The following IQCJ variants were observed in gnomAD, a reference collection of about 807,000 sequenced individuals.
IQCJ encodes the protein IQ domain-containing protein J.
Under a neutral mutation model 11.0 loss-of-function variants are expected in IQCJ, and 9 were observed. That is an observed-to-expected ratio of 0.82 (90% CI 0.49 to 1.43). IQCJ has a LOEUF of 1.43. Among genes scored for constraint, IQCJ ranks in the 40% most tolerant of loss-of-function variants. The pLI, the probability that IQCJ is intolerant of heterozygous loss-of-function variation, is 0.00. For missense variants in IQCJ, 146 were observed against 133.2 expected (o/e 1.10, Z -0.47); for synonymous variants, 55 against 51.3 (o/e 1.07, Z -0.31).
At chr3:159,084,145 T>G (rs1286502253) in intron 1 of IQCJ, among the ~76,000 whole-genome samples, 28 of 152,128 alleles carry the variant, frequency 1.8e-4, no homozygotes, top group African/African-American at 6.5e-4. Context: ...TATATTTATG[T>G]AAGATGTCAT....
At chr3:159,203,490 C>T (rs1560024264) in intron 1 of IQCJ, among the ~76,000 whole-genome samples, 1 of 151,902 alleles carries the variant, frequency 6.6e-6, no homozygotes, top group Non-Finnish European at 1.5e-5. Flanking sequence ...CAGCCGTCTA[C>T]CCCATCACCA....
intron 1 of IQCJ, among the ~76,000 whole-genome samples, chr3:159,140,733 A>C (rs564299694): frequency 6.6e-6 from 1 of 152,136 alleles, no homozygotes; most frequent in African/African-American, 2.4e-5. Context: ...CTGTCCCTCC[A>C]TGTCTTCATC....
chr3:159,201,471 G>A (rs1302574862), intron 1 of IQCJ, among the ~76,000 whole-genome samples: 1 of 151,554 alleles, frequency 6.6e-6, no homozygotes, highest in Non-Finnish European at 1.5e-5. Context: ...TTTTATCAAT[G>A]CATCTATGTA....
Position 159,121,154 on chromosome 3 carries a change from A to T in IQCJ, c.9+51713A>T, listed in dbSNP as rs77205341. ...TTCTTTTTTCTTTTTTTTTTTTTTA[A>T]TTAGGGTCTTGCACTGTTGCCCAGG... On this transcript the variant is annotated intron_variant, in intron 1 of 3. Coordinates refer to ENST00000397832, the MANE Select transcript of IQCJ (RefSeq NM_001042706.3). 2.8e-3 allele frequency among the ~76,000 whole-genome samples: 174 copies of T among 62,646 alleles called. 1 individual carries two copies. Among genetic ancestry groups the T allele is most frequent in the Middle Eastern group, 7.1e-3 (1 of 140 alleles). 41.1% of individuals were successfully genotyped at this position (62,646 alleles called of 152,430 possible). A position where few individuals can be genotyped will look rare whatever the true frequency, so the allele number is the denominator to read the frequency against.
chr3:159,070,229 A>C (rs1041175489), intron 1 of IQCJ, among the ~76,000 whole-genome samples: 4 of 152,090 alleles, frequency 2.6e-5, no homozygotes, highest in Non-Finnish European at 5.9e-5. Flanking sequence ...GCAGCGTGAG[A>C]GTGCAGGCTC....
At chr3:159,220,250 AC>A (rs1326246158) in intron 1 of IQCJ, among the ~76,000 whole-genome samples, 1 of 152,006 alleles carries the variant, frequency 6.6e-6, no homozygotes. Context: ...TGTCCCTGCC[AC>A]CCCCAATTCA....
At chr3:159,254,509 T>C (rs780243722) in intron 3 of IQCJ, among the ~76,000 whole-genome samples, 10 of 152,326 alleles carry the variant, frequency 6.6e-5, no homozygotes, top group East Asian at 3.9e-4. Context: ...AGAGAAAACT[T>C]AATCTTGCCC....
At chr3:159,080,004 T>C (rs1210370687) in intron 1 of IQCJ, among the ~76,000 whole-genome samples, 1 of 152,136 alleles carries the variant, frequency 6.6e-6, no homozygotes, top group Non-Finnish European at 1.5e-5. Context: ...GATTAATGAC[T>C]ATTTAGGTAA....
chr3:159,086,998 T>G (rs1017608485), intron 1 of IQCJ, among the ~76,000 whole-genome samples: 9 of 152,352 alleles, frequency 5.9e-5, no homozygotes, highest in Admixed American at 5.2e-4. Context: ...CTTGTGCCAG[T>G]TTTCACAGGG....
At chr3:159,241,922 A>T (rs542937976) in intron 1 of IQCJ, among the ~76,000 whole-genome samples, 1 of 152,336 alleles carries the variant, frequency 6.6e-6, no homozygotes, top group South Asian at 2.1e-4. Flanking sequence ...ACCACAAGTG[A>T]TGGGTGACAT....
chr3:159,118,472 T>C (rs1481329167), intron 1 of IQCJ, among the ~76,000 whole-genome samples: 2 of 152,226 alleles, frequency 1.3e-5, no homozygotes, highest in African/African-American at 4.8e-5. Flanking sequence ...ATAAACATCT[T>C]ACATGTATCG....
At chr3:159,142,455 C>A (rs1577036520) in intron 1 of IQCJ, among the ~76,000 whole-genome samples, 1 of 151,430 alleles carries the variant, frequency 6.6e-6, no homozygotes, top group Admixed American at 6.6e-5. Flanking sequence ...CTCACGCTGT[C>A]ACCCAGGCTG....
chr3:159,242,069 G>A (rs926019462), intron 1 of IQCJ, among the ~76,000 whole-genome samples: 5 of 152,180 alleles, frequency 3.3e-5, no homozygotes, highest in Non-Finnish European at 7.3e-5. Context: ...ACAAGGAACA[G>A]CGAAGATAAA....
chr3:159,174,071 T>C lies in IQCJ; in HGVS notation c.10-71772T>C, dbSNP rs553738982. Among the ~76,000 whole-genome samples the C allele has an allele frequency of 1.4e-3, 209 of 152,302 alleles. 1 individual carries two copies. The highest frequency in any genetic ancestry group is 4.5e-3 in the African/African-American group (187 of 41,590). ...AAATGTTATCTCATAACATTTATGTTCAATCAACTCCTCTGAGAATTTTTA... is the reference window on the plus strand; with the variant it reads ...AAATGTTATCTCATAACATTTATGTCCAATCAACTCCTCTGAGAATTTTTA... On this transcript the variant is annotated intron_variant, in intron 1 of 3. Coordinates refer to ENST00000397832, the MANE Select transcript of IQCJ (RefSeq NM_001042706.3).
chr3:159,187,772 A>G (rs991860107), intron 1 of IQCJ, among the ~76,000 whole-genome samples: 1 of 152,202 alleles, frequency 6.6e-6, no homozygotes. Flanking sequence ...TCATGGTCAC[A>G]AGGGAGGTGT....
In IQCJ at chr3:159,151,694, G is replaced by A. The variant is rs576019593; in HGVS notation, c.9+82253G>A. ...TCTGTCGCCCAGGCTGGAGTGCAGT[G>A]GCGCTATATTGGTTCACTGCAAGCT... On this transcript the variant is annotated intron_variant, in intron 1 of 3. Transcript: ENST00000397832. 3.0e-3 allele frequency among the ~76,000 whole-genome samples: 460 copies of A among 152,336 alleles called. 2 individuals carry two copies. The highest frequency in any genetic ancestry group is 0.011 in the African/African-American group (446 of 41,584).
intron 2 of IQCJ, among the ~76,000 whole-genome samples, chr3:159,249,396 T>C (rs1727462458): frequency 6.6e-6 from 1 of 152,172 alleles, no homozygotes. Context: ...TTGTTTTGTG[T>C]GCTTATTTTT....
chr3:159,222,214 T>C (rs1725592137), intron 1 of IQCJ, among the ~76,000 whole-genome samples: 1 of 152,188 alleles, frequency 6.6e-6, no homozygotes, highest in Admixed American at 6.5e-5. Context: ...CTTGCAGCAT[T>C]ATTCACAGTA....
chr3:159,169,260 C>T (rs2108234132), intron 1 of IQCJ, among the ~76,000 whole-genome samples: 4 of 137,810 alleles, frequency 2.9e-5, no homozygotes, highest in Admixed American at 1.5e-4. Context: ...TTTTTTTTTT[C>T]CCTTTTCTTT....
Sources: allele counts gnomAD v4.1 joint callset (sites outside exome capture counted in the v4.1 genomes callset), GRCh38; gene constraint gnomAD v4.1.1; transcripts MANE v1.5; gene names NCBI Gene and HGNC (gene_info 2026-07-23, HGNC 2026-07-21).